TBC1D19: variants seen among roughly 807,000 people sequenced by gnomAD.
TBC1D19 encodes the protein TBC1 domain family, member 19.
TBC1D19 carries 60 observed loss-of-function variants against 89.0 expected under a neutral mutation model. That is an observed-to-expected ratio of 0.67 (90% CI 0.55 to 0.84). The LOEUF (loss-of-function observed/expected upper bound fraction) is 0.84. TBC1D19 is among the 40% of genes least tolerant of loss of function. The pLI is 0.00. For synonymous variants in TBC1D19, 189 were observed against 199.7 expected (o/e 0.95, Z 0.45); for missense variants, 500 against 610.8 (o/e 0.82, Z 1.91).
chr4:26,699,705 C>T (rs2109204352), intron 13 of TBC1D19, among the ~76,000 whole-genome samples: 1 of 152,158 alleles, frequency 6.6e-6, no homozygotes, highest in Non-Finnish European at 1.5e-5. Flanking sequence ...GAGTTCATGT[C>T]CTTTGTAGAG....
chr4:26,855,980 TG>T, the TBC1D19 span, among the ~76,000 whole-genome samples: 1 of 152,234 alleles, frequency 6.6e-6, no homozygotes, highest in Non-Finnish European at 1.5e-5. Flanking sequence ...TTTTTTGTAG[TG>T]ACAATGTTAA....
the TBC1D19 span, among the ~76,000 whole-genome samples, chr4:26,795,066 C>T: frequency 3.9e-5 from 6 of 152,182 alleles, no homozygotes; most frequent in Non-Finnish European, 8.8e-5. Context: ...TCAGAAACTT[C>T]CAGTGGCTTC....
chr4:26,669,063 G>C (rs1289315477), intron 9 of TBC1D19, among the ~76,000 whole-genome samples: 1 of 151,378 alleles, frequency 6.6e-6, no homozygotes, highest in South Asian at 2.1e-4. Context: ...TTAACAGAGT[G>C]AGCAAGCTCA....
At chr4:26,696,441 C>T (rs1714790024) in intron 13 of TBC1D19, among the ~76,000 whole-genome samples, 1 of 152,172 alleles carries the variant, frequency 6.6e-6, no homozygotes, top group South Asian at 2.1e-4. Flanking sequence ...CAACATTAGA[C>T]AGATCAACCA....
the TBC1D19 span, among the ~76,000 whole-genome samples, chr4:26,823,848 TTTTG>T: frequency 2.7e-4 from 41 of 152,348 alleles, no homozygotes; most frequent in African/African-American, 9.6e-4. Context: ...GTCAGTGTAT[TTTTG>T]TTTCTTTGTT....
At chr4:26,786,592 G>A in the TBC1D19 span, among the ~76,000 whole-genome samples, 16 of 152,288 alleles carry the variant, frequency 1.1e-4, no homozygotes, top group Non-Finnish European at 2.2e-4. Context: ...ATCGGGGGGT[G>A]GTGCTGCAAA....
chr4:26,636,524 G>A (rs1348398172), intron 4 of TBC1D19, among the ~76,000 whole-genome samples: 2 of 148,520 alleles, frequency 1.3e-5, no homozygotes, highest in African/African-American at 4.9e-5. Context: ...GAGAGATTCT[G>A]GATTAAACTG....
intron 13 of TBC1D19, among the ~76,000 whole-genome samples, chr4:26,707,541 A>G (rs1715833537): frequency 6.6e-6 from 1 of 151,970 alleles, no homozygotes; most frequent in African/African-American, 2.4e-5. Flanking sequence ...GTAATTGCTG[A>G]TGAGGAGATA....
At chr4:26,710,405 C>T (rs1434556002) in intron 13 of TBC1D19, among the ~76,000 whole-genome samples, 1 of 152,108 alleles carries the variant, frequency 6.6e-6, no homozygotes, top group African/African-American at 2.4e-5. Flanking sequence ...TGTGTATGTG[C>T]CACATTTTCT....
intron 4 of TBC1D19, among the ~76,000 whole-genome samples, chr4:26,626,460 C>T (rs905735260): frequency 1.3e-5 from 2 of 152,104 alleles, no homozygotes; most frequent in African/African-American, 4.8e-5. Context: ...CATGTACTCA[C>T]TCATTTAATG....
chr4:26,796,998 G>A, the TBC1D19 span, among the ~76,000 whole-genome samples: 1 of 152,150 alleles, frequency 6.6e-6, no homozygotes, highest in African/African-American at 2.4e-5. Flanking sequence ...CCTCAAAAAA[G>A]CTATTTTTAA....
At position 26,640,424 on chromosome 4, in the gene TBC1D19, T is replaced by C. The variant is rs544775210; in HGVS notation, c.480+237T>C. Among the ~76,000 whole-genome samples the C allele has an allele frequency of 6.6e-5, 10 of 152,278 alleles. No individual in the cohort carries two copies. In the South Asian group the frequency reaches 2.1e-3, roughly 32 times the overall value. ...ATAATTTTGATTAAAAAATAGTAAC[T>C]GTAGGAAGTGGGTTCCAAGATGGCC... is the stretch of plus-strand genomic sequence containing the variant. On this transcript the variant is annotated intron_variant, in intron 7 of 20. Coordinates refer to ENST00000264866, the MANE Select transcript of TBC1D19 (RefSeq NM_018317.4).
At chr4:26,807,035 AGAGT>A in the TBC1D19 span, among the ~76,000 whole-genome samples, 5 of 152,252 alleles carry the variant, frequency 3.3e-5, no homozygotes, top group African/African-American at 9.6e-5. Context: ...CACTGGTGAG[AGAGT>A]GAGTGAGTGA....
rs181923379 is a variant in TBC1D19 at position 26,604,130 on chromosome 4, T to G, written c.100-9039T>G. Among the ~76,000 whole-genome samples the G allele has an allele frequency of 9.9e-5, 15 of 151,428 alleles. No individual in the cohort carries two copies. In the East Asian group the frequency reaches 2.9e-3, roughly 29 times the overall value. ...GAACGTTCATCCATGTTGTAACATG[T>G]GTCAGAATTTTCTTTTTCTTTTTTT... On this transcript the variant is annotated intron_variant, in intron 1 of 20. Transcript: ENST00000264866.
chr4:26,827,342 C>T, the TBC1D19 span, among the ~76,000 whole-genome samples: 2 of 152,230 alleles, frequency 1.3e-5, no homozygotes, highest in Non-Finnish European at 2.9e-5. Flanking sequence ...CAGTGACTCA[C>T]GCCTGCAATC....
At chr4:26,654,191 G>T (rs1432971560) in intron 7 of TBC1D19, among the ~76,000 whole-genome samples, 2 of 152,168 alleles carry the variant, frequency 1.3e-5, no homozygotes, top group African/African-American at 4.8e-5. Flanking sequence ...TAAGAATGTT[G>T]AATATTGGCC....
In TBC1D19 at chr4:26,593,994, A is replaced by G. The variant is rs1740013453; in HGVS notation, c.99+9702A>G. The stretch of plus-strand genomic sequence containing the variant: ...ACCCAGCCATCCCATTACTGGGTAT[A>G]TACCCAAAGGATTATAAATCATGCT... On this transcript the variant is annotated intron_variant, in intron 1 of 20. Transcript: ENST00000264866. 2.0e-5 allele frequency among the ~76,000 whole-genome samples: 3 copies of G among 152,328 alleles called. No homozygotes were observed. The South Asian group carries it at 6.2e-4, about 32-fold the overall frequency.
Position 26,699,739 on chromosome 4 carries a change from C to T in TBC1D19, c.954+11332C>T, listed in dbSNP as rs971168634. ...AGACATGAATGAAGCTGGAAACCAT[C>T]GTTCTCAGCAAAGTAGCACAAGAAC... On this transcript the variant is annotated intron_variant, in intron 13 of 20. Coordinates refer to ENST00000264866, the MANE Select transcript of TBC1D19 (RefSeq NM_018317.4). Among the ~76,000 whole-genome samples, 8 of 152,148 alleles carry T rather than the reference C, an allele frequency of 5.3e-5. No homozygotes were observed. The South Asian group carries it at 1.5e-3, about 28-fold the overall frequency.
chr4:26,578,563 G>C (rs1341158295), intron 1 of TBC1D19, among the ~76,000 whole-genome samples: 2 of 152,010 alleles, frequency 1.3e-5, no homozygotes, highest in Admixed American at 1.3e-4. Flanking sequence ...AAACATTCTG[G>C]AGTAGAAATG....
Sources: gnomAD v4.1 joint callset for allele counts (sites outside exome capture counted in the v4.1 genomes callset) on GRCh38, gnomAD v4.1.1 for gene constraint, MANE v1.5 for transcripts, NCBI Gene and HGNC (gene_info 2026-07-23, HGNC 2026-07-21) for gene names.